The following TRAF3 variants were observed in gnomAD, a reference collection of about 807,000 sequenced individuals.
TRAF3 encodes TNF receptor-associated factor 3.
Under a neutral mutation model 62.3 loss-of-function variants are expected in TRAF3, and 13 were observed. The ratio of observed to expected loss-of-function variants is 0.21; its 90% CI spans 0.14 to 0.33. The LOEUF is 0.33. Ranked by LOEUF, TRAF3 falls within the 10% of genes least tolerant of loss-of-function variation. TRAF3 has a pLI of 1.00. For missense variants in TRAF3, 440 were observed against 741.8 expected (o/e 0.59, Z 4.73); for synonymous variants, 269 against 283.4 (o/e 0.95, Z 0.51).
Position 102,885,546 on chromosome 14 carries a change from A to G in TRAF3, c.571-643A>G, listed in dbSNP as rs575384322. Among the ~76,000 whole-genome samples, 10 of 152,320 alleles carry G rather than the reference A, an allele frequency of 6.6e-5. No homozygotes were observed. In the South Asian group the frequency reaches 1.9e-3, roughly 28 times the overall value. ...GCAGGTGCCCATGGGATAGGGCTTA[A>G]TAGTCGCCATCATCCAGCCTTAGCA... On this transcript the variant is annotated intron_variant, in intron 6 of 11. Coordinates refer to ENST00000392745, the MANE Select transcript of TRAF3 (RefSeq NM_145725.3).
At chr14:102,854,523 A>C (rs1232191587) in intron 2 of TRAF3, among the ~76,000 whole-genome samples, 1 of 152,194 alleles carries the variant, frequency 6.6e-6, no homozygotes, top group Non-Finnish European at 1.5e-5. Context: ...TTTGAGACAG[A>C]GTCTTACTTT....
Position 102,875,607 on chromosome 14 carries a change from T to G in TRAF3, c.298-17T>G. On this transcript the variant is annotated splice_polypyrimidine_tract_variant and intron_variant, in intron 4 of 11. Transcript: ENST00000392745. The stretch of plus-strand genomic sequence containing the variant: ...AAGAAATATTAATCCTCCAAAATAA[T>G]GATCTTTCATTTTCAGGTGTTTAAG... 1.2e-5 allele frequency: 20 copies of G among 1,603,008 alleles called. No individual in the cohort carries two copies. Among genetic ancestry groups the G allele is most frequent in the African/African-American group, 2.7e-5 (2 of 74,704 alleles).
At chr14:102,876,308 G>A (rs778131433) in intron 5 of TRAF3, 50 bp from the exon 6 acceptor site, 1 of 1,600,732 alleles carries the variant, frequency 6.2e-7, no homozygotes, top group African/African-American at 1.3e-5. Context: ...TGGTATTTCA[G>A]ATTTAGGGTT....
intron 2 of TRAF3, among the ~76,000 whole-genome samples, chr14:102,869,374 G>A (rs980971748): frequency 6.6e-6 from 1 of 152,218 alleles, no homozygotes; most frequent in Non-Finnish European, 1.5e-5. Flanking sequence ...TCTAGCGGAA[G>A]TCAATGAGGA....
chr14:102,833,333 CTT>C (rs1389810384), intron 2 of TRAF3, among the ~76,000 whole-genome samples: 1 of 152,090 alleles, frequency 6.6e-6, no homozygotes, highest in African/African-American at 2.4e-5. Flanking sequence ...ACCAAGAAAT[CTT>C]TTTTTTCTAT....
chr14:102,839,210 CTTTTTTTTTTT>C (rs56998347), intron 2 of TRAF3, among the ~76,000 whole-genome samples: 1,316 of 89,854 alleles, frequency 0.015, 37 homozygotes, highest in African/African-American at 0.047. Context: ...GTTGATTTGC[CTTTTTTTTTTT>C]TTTTTTTTTT....
chr14:102,880,472 G>C (rs1386310430), intron 6 of TRAF3, among the ~76,000 whole-genome samples: 1 of 152,230 alleles, frequency 6.6e-6, no homozygotes, highest in Non-Finnish European at 1.5e-5. Context: ...ATGCTGGCAA[G>C]GTTGCAGAGA....
chr14:102,805,251 C>G (rs1898700279), intron 1 of TRAF3, among the ~76,000 whole-genome samples: 1 of 152,168 alleles, frequency 6.6e-6, no homozygotes, highest in Admixed American at 6.5e-5. Context: ...CTGGATGCTT[C>G]TTTTCTAGTG....
At chr14:102,834,255 G>A (rs1885836108) in intron 2 of TRAF3, among the ~76,000 whole-genome samples, 1 of 151,982 alleles carries the variant, frequency 6.6e-6, no homozygotes, top group Non-Finnish European at 1.5e-5. Context: ...AAGCAGACAC[G>A]AATGGAACAA....
chr14:102,874,543 G>T (rs534128526), intron 4 of TRAF3, among the ~76,000 whole-genome samples: 43 of 152,198 alleles, frequency 2.8e-4, no homozygotes, highest in African/African-American at 8.7e-4. Flanking sequence ...ACAGAGGTGA[G>T]TCACTGTTCC....
intron 2 of TRAF3, among the ~76,000 whole-genome samples, chr14:102,848,707 A>G (rs1886860745): frequency 6.6e-6 from 1 of 152,214 alleles, no homozygotes; most frequent in Non-Finnish European, 1.5e-5. Flanking sequence ...TCAATAGAAT[A>G]CTTTTCCCCA....
chr14:102,816,446 TAA>T (rs956018946), intron 1 of TRAF3, among the ~76,000 whole-genome samples: 1 of 152,188 alleles, frequency 6.6e-6, no homozygotes, highest in Non-Finnish European at 1.5e-5. Flanking sequence ...TTTTGAAGAT[TAA>T]GTGTGGTTTA....
chr14:102,875,174 C>G (rs974045207), intron 4 of TRAF3, among the ~76,000 whole-genome samples: 2 of 152,204 alleles, frequency 1.3e-5, no homozygotes, highest in African/African-American at 4.8e-5. Context: ...AGCAAGCGAT[C>G]TATACAATGT....
intron 9 of TRAF3, among the ~76,000 whole-genome samples, chr14:102,896,741 TG>T (rs1004743222): frequency 1.3e-5 from 2 of 152,228 alleles, no homozygotes; most frequent in Non-Finnish European, 1.5e-5. Context: ...GAAGAGATTC[TG>T]AGAAACACTG....
At chr14:102,871,441 A>G (rs1259600365) in intron 3 of TRAF3, among the ~76,000 whole-genome samples, 1 of 152,184 alleles carries the variant, frequency 6.6e-6, no homozygotes, top group Non-Finnish European at 1.5e-5. Flanking sequence ...TGGAGCCCCC[A>G]TATATGGTGG....
intron 2 of TRAF3, among the ~76,000 whole-genome samples, chr14:102,869,266 T>C (rs1888188648): frequency 6.6e-6 from 1 of 152,186 alleles, no homozygotes; most frequent in African/African-American, 2.4e-5. Context: ...CTTTGAGTAC[T>C]GTGGGCACAC....
chr14:102,837,219 G>C (rs1886080005), intron 2 of TRAF3, among the ~76,000 whole-genome samples: 1 of 151,348 alleles, frequency 6.6e-6, no homozygotes, highest in East Asian at 1.9e-4. Context: ...GCTCGCTATA[G>C]CCTCAACCTC....
chr14:102,895,041 A>G (rs780210122), intron 9 of TRAF3: 10 of 454,998 alleles, frequency 2.2e-5, no homozygotes, highest in South Asian at 7.8e-5. Context: ...GATTTTTTCA[A>G]AAGAGTTGGC....
At chr14:102,814,370 G>A (rs1477413014) in intron 1 of TRAF3, among the ~76,000 whole-genome samples, 4 of 152,178 alleles carry the variant, frequency 2.6e-5, no homozygotes, top group Admixed American at 6.6e-5. Context: ...GTTTGGTAGT[G>A]TGATACCTCC....
Sources: gnomAD v4.1 joint callset for allele counts (sites outside exome capture counted in the v4.1 genomes callset) on GRCh38, gnomAD v4.1.1 for gene constraint, MANE v1.5 for transcripts, NCBI Gene and HGNC (gene_info 2026-07-23, HGNC 2026-07-21) for gene names.